Variants in DOCK1 observed in about 807,000 individuals in gnomAD.
The protein encoded by DOCK1 is dedicator of cytokinesis protein 1.
Under a neutral mutation model 262.7 loss-of-function variants are expected in DOCK1, and 138 were observed. That is an observed-to-expected ratio of 0.53 (90% CI 0.46 to 0.61). DOCK1 has a LOEUF of 0.61. Ranked by LOEUF, DOCK1 falls within the 20% of genes least tolerant of loss-of-function variation. The pLI is 0.00. For synonymous variants in DOCK1, 866 were observed against 867.4 expected (o/e 1.00, Z 0.03); for missense variants, 1,908 against 2,370.7 (o/e 0.80, Z 4.05).
chr10:126,987,986 G>A lies in DOCK1; in HGVS notation c.324+369G>A, dbSNP rs116446721. On this transcript the variant is annotated intron_variant, in intron 5 of 51. Coordinates refer to ENST00000623213, the MANE Select transcript of DOCK1 (RefSeq NM_001290223.2). ...GTAATAGGTGCTTATTTAAGGATCC[G>A]GTAGAGGGCAATTACTATTTTTTTT... The A allele has an allele frequency of 8.2e-3, 1,305 of 159,086 alleles. 19 individuals are homozygous for A. Among genetic ancestry groups the A allele is most frequent in the African/African-American group, 0.03 (1,239 of 41,050 alleles). The allele number at this position is 159,086 out of a possible 1,614,324, so 9.9% of individuals were successfully genotyped here.
intron 33 of DOCK1, 62 bp from the exon 34 acceptor site, chr10:127,373,719 T>G: frequency 1.4e-6 from 2 of 1,443,610 alleles, no homozygotes; most frequent in South Asian, 2.4e-5. Context: ...CTATTGACAC[T>G]CAAGTCATAA....
At chr10:127,184,774 G>A (rs541314849) in intron 27 of DOCK1, among the ~76,000 whole-genome samples, 6 of 152,222 alleles carry the variant, frequency 3.9e-5, no homozygotes, top group Non-Finnish European at 5.9e-5. Context: ...TTCCAGGACC[G>A]CGCCCTGGTC....
chr10:127,293,938 C>T (rs573631535), intron 29 of DOCK1, among the ~76,000 whole-genome samples: 3 of 152,360 alleles, frequency 2.0e-5, no homozygotes, highest in Admixed American at 2.0e-4. Flanking sequence ...CCCTGAGAAC[C>T]CGCCTAGTCA....
rs910847621 is a variant in DOCK1 at position 127,389,988 on chromosome 10, T to G, written c.3927+5079T>G. Among the ~76,000 whole-genome samples, 25 of 143,690 alleles carry G rather than the reference T, an allele frequency of 1.7e-4. No individual in the cohort carries two copies. In the Middle Eastern group the frequency reaches 0.017, roughly 100 times the overall value. 94.3% of individuals were successfully genotyped at this position (143,690 alleles called of 152,430 possible). ...GAGATTGAGCCACTGCACTCCAGCC[T>G]GGGCGACAGGAACTCTGTCTCAAAC... On this transcript the variant is annotated intron_variant, in intron 38 of 51. Coordinates refer to ENST00000623213, the MANE Select transcript of DOCK1 (RefSeq NM_001290223.2).
intron 29 of DOCK1, among the ~76,000 whole-genome samples, chr10:127,338,039 G>A (rs1178339576): frequency 6.6e-6 from 1 of 152,138 alleles, no homozygotes; most frequent in Non-Finnish European, 1.5e-5. Context: ...AGGCACGCTT[G>A]GCTGAAGAGA....
chr10:127,152,370 T>G (rs2052584031), intron 27 of DOCK1, among the ~76,000 whole-genome samples: 1 of 152,248 alleles, frequency 6.6e-6, no homozygotes, highest in African/African-American at 2.4e-5. Flanking sequence ...GAGGAATTGT[T>G]GAAGAAAAGA....
intron 23 of DOCK1, among the ~76,000 whole-genome samples, chr10:127,065,262 C>T (rs998698768): frequency 6.6e-5 from 10 of 152,154 alleles, no homozygotes; most frequent in South Asian, 2.1e-4. Context: ...TCACCCGCCT[C>T]GGCCTCCCAA....
chr10:127,143,009 T>C (rs1055771271), intron 27 of DOCK1, among the ~76,000 whole-genome samples: 11 of 152,206 alleles, frequency 7.2e-5, no homozygotes, highest in Non-Finnish European at 1.5e-5. Context: ...CTAGGCTTTG[T>C]AGTAACACTT....
intron 27 of DOCK1, among the ~76,000 whole-genome samples, chr10:127,186,767 C>T (rs1208212599): frequency 2.6e-5 from 4 of 151,822 alleles, no homozygotes; most frequent in Admixed American, 2.0e-4. Context: ...TTGAGATGAA[C>T]GTGGAGAGGA....
chr10:127,420,329 A>G (rs1050302886), intron 46 of DOCK1, among the ~76,000 whole-genome samples: 1 of 152,108 alleles, frequency 6.6e-6, no homozygotes, highest in African/African-American at 2.4e-5. Flanking sequence ...CCTTGGGTTT[A>G]AGTGTCAGAA....
chr10:126,905,789 G>A (rs985416997), intron 1 of DOCK1, among the ~76,000 whole-genome samples: 7 of 150,320 alleles, frequency 4.7e-5, no homozygotes. Flanking sequence ...GGGAACACGA[G>A]GGGGTGGGGT....
At chr10:127,125,884 G>T (rs2049921046) in intron 26 of DOCK1, among the ~76,000 whole-genome samples, 1 of 151,968 alleles carries the variant, frequency 6.6e-6, no homozygotes, top group African/African-American at 2.4e-5. Flanking sequence ...CAGACAAAAA[G>T]GCTTTGATGC....
chr10:126,990,314 G>A, intron 5 of DOCK1, 141 bp from the exon 6 acceptor site: 2 of 857,254 alleles, frequency 2.3e-6, no homozygotes, highest in Non-Finnish European at 3.4e-6. Context: ...TATGCTGAAA[G>A]CACCTTTTAA....
intron 27 of DOCK1, chr10:127,135,779 G>T (rs1377872158): frequency 2.0e-5 from 3 of 152,184 alleles, no homozygotes; most frequent in Admixed American, 2.0e-4. Context: ...ACATTATTTT[G>T]TGTACTAGGA....
chr10:126,988,099 AG>A (rs767469412), intron 5 of DOCK1: 83 of 152,574 alleles, frequency 5.4e-4, no homozygotes, highest in Non-Finnish European at 1.0e-3. Context: ...TGTTTGTGAC[AG>A]GAATAGGGAA....
At chr10:127,090,244 C>T (rs772746830) in intron 23 of DOCK1, among the ~76,000 whole-genome samples, 1 of 152,070 alleles carries the variant, frequency 6.6e-6, no homozygotes, top group Non-Finnish European at 1.5e-5. Context: ...GCAGTGGCAC[C>T]GGAACTCATT....
rs1232222507 is a variant in DOCK1 at position 127,175,258 on chromosome 10, A to G, written c.2847+47494A>G. On this transcript the variant is annotated intron_variant, in intron 27 of 51. Transcript: ENST00000623213. The surrounding 1 kb of genome is among the most constrained non-coding windows in gnomAD (Gnocchi z 6.3). ...TTTTCCAACTCCTGAATGACCCCCA[A>G]GAGCACTTTGATGGTTTCTTGGCTT... is the stretch of plus-strand genomic sequence containing the variant. 6.2e-7 allele frequency: 1 copy of G among 1,614,138 alleles called. No individual in the cohort carries two copies. Among genetic ancestry groups the G allele is most frequent in the South Asian group, 1.1e-5 (1 of 91,066 alleles).
chr10:127,255,386 T>A lies in DOCK1; in HGVS notation c.2950-1949T>A, dbSNP rs372250828. Among the ~76,000 whole-genome samples, 23 of 152,052 alleles carry A rather than the reference T, an allele frequency of 1.5e-4. No individual in the cohort carries two copies. In the South Asian group the frequency reaches 4.6e-3, roughly 30 times the overall value. On this transcript the variant is annotated intron_variant, in intron 28 of 51. Coordinates refer to ENST00000623213, the MANE Select transcript of DOCK1 (RefSeq NM_001290223.2). ...CTGTACTCCAGCCTGGGTGAGGGAA[T>A]GAAATAAATAAATAAAATAAATAGA...
intron 23 of DOCK1, among the ~76,000 whole-genome samples, chr10:127,064,402 G>C (rs1345054709): frequency 6.6e-6 from 1 of 152,184 alleles, no homozygotes; most frequent in East Asian, 1.9e-4. Flanking sequence ...AGGGCAGGAG[G>C]AACTTCAGAA....
Sources: gnomAD v4.1 joint callset for allele counts (sites outside exome capture counted in the v4.1 genomes callset) on GRCh38, gnomAD v4.1.1 for gene constraint, Gnocchi (gnomAD v3.1) non-coding constraint, MANE v1.5 for transcripts, NCBI Gene and HGNC (gene_info 2026-07-23, HGNC 2026-07-21) for gene names.